The following MED13 variants were observed in gnomAD, a reference collection of about 807,000 sequenced individuals.
The protein encoded by MED13 is mediator of RNA polymerase II transcription subunit 13.
A neutral mutation model predicts 225.2 loss-of-function variants in MED13; 23 were observed. The observed-to-expected ratio is 0.10, with a 90% CI of 0.07 to 0.14. MED13 has a LOEUF of 0.14. Among genes scored for constraint, MED13 ranks in the 10% least tolerant of loss-of-function variants. The probability of loss-of-function intolerance (pLI) is 1.00; values close to 1 mark genes in which losing one functional copy is unlikely to be tolerated. For missense variants in MED13, 2,197 were observed against 2,594.5 expected, an observed-to-expected ratio of 0.85 and a Z score of 3.33; for synonymous variants, 942 against 889.2, an observed-to-expected ratio of 1.06 and a Z score of -1.06.
At chr17:62,031,771 C>T (rs2080759292) in intron 5 of MED13, 133 bp from the exon 6 acceptor site, 2 of 485,398 alleles carry the variant, frequency 4.1e-6, no homozygotes, top group African/African-American at 2.0e-5. Flanking sequence ...TAAATATAAG[C>T]TTCTTTGGCA....
rs2079832264 is a variant in MED13, at chr17:61,943,817, A to C, written c.*2651T>G. 1 of 152,492 alleles carries C rather than the reference A, an allele frequency of 6.6e-6. No homozygotes were observed. Among genetic ancestry groups the C allele is most frequent in the Non-Finnish European group, 1.5e-5 (1 of 67,978 alleles). 9.4% of individuals were successfully genotyped at this position (152,492 alleles called of 1,614,324 possible). On this transcript the variant is annotated 3_prime_UTR_variant, in exon 30 of 30. Coordinates refer to ENST00000397786, the MANE Select transcript of MED13 (RefSeq NM_005121.3). ...TTAAATGACAAAATACTGAACTTCC[A>C]CCCTGCTTAATAATCATGGATACCT... is the stretch of plus-strand genomic sequence containing the variant.
chr17:61,991,759 C>T (rs1194333979), intron 11 of MED13, among the ~76,000 whole-genome samples: 1 of 152,140 alleles, frequency 6.6e-6, no homozygotes, highest in Non-Finnish European at 1.5e-5. Context: ...CCGCCCGCCA[C>T]GGCCTCCCAA....
chr17:61,954,470 A>G (rs113569696), intron 26 of MED13, among the ~76,000 whole-genome samples: 8 of 152,270 alleles, frequency 5.3e-5, no homozygotes, highest in African/African-American at 1.7e-4. Flanking sequence ...GTGACCAACT[A>G]TTGCCTTTTA....
intron 4 of MED13, among the ~76,000 whole-genome samples, chr17:62,034,371 C>G (rs1603406066): frequency 6.6e-6 from 1 of 151,966 alleles, no homozygotes; most frequent in Non-Finnish European, 1.5e-5. Flanking sequence ...CCTGCAATCC[C>G]AGCTACTCGG....
At chr17:61,986,345 G>GT (rs1162299831) in intron 12 of MED13, among the ~76,000 whole-genome samples, 1 of 152,106 alleles carries the variant, frequency 6.6e-6, no homozygotes, top group Non-Finnish European at 1.5e-5. Flanking sequence ...ATGTACCATA[G>GT]AAGTTTCCAA....
intron 8 of MED13, among the ~76,000 whole-genome samples, chr17:62,021,279 C>G: frequency 6.6e-6 from 1 of 151,222 alleles, no homozygotes; most frequent in Admixed American, 6.6e-5. Context: ...GCAGAGGCGC[C>G]CCTCACCTCC....
intron 5 of MED13, 82 bp downstream of exon 5, chr17:62,033,705 G>T: frequency 7.6e-7 from 1 of 1,313,826 alleles, no homozygotes; most frequent in Non-Finnish European, 1.1e-6. Flanking sequence ...TGAGTTATTA[G>T]ACTTGTTTGT....
chr17:61,971,913 G>A (rs113227813), intron 17 of MED13, among the ~76,000 whole-genome samples: 11 of 152,006 alleles, frequency 7.2e-5, no homozygotes, highest in African/African-American at 1.7e-4. Flanking sequence ...CAGCCTGGGC[G>A]ACAAAGCGAG....
chr17:62,025,968 G>A (rs1439947211), intron 8 of MED13, among the ~76,000 whole-genome samples: 9 of 152,192 alleles, frequency 5.9e-5, no homozygotes, highest in Non-Finnish European at 1.3e-4. Flanking sequence ...GCACACTTGA[G>A]AGAGTCTGTT....
At chr17:61,984,103 TA>T in intron 15 of MED13, 67 bp downstream of exon 15, 1 of 1,186,730 alleles carries the variant, frequency 8.4e-7, no homozygotes, top group Non-Finnish European at 1.1e-6. Context: ...GCATACCAGG[TA>T]AATCTATGAA....
chr17:62,032,421 CAGAGATCACGCCATT>C (rs2080765558), intron 5 of MED13: 1 of 143,522 alleles, frequency 7.0e-6, no homozygotes, highest in Non-Finnish European at 1.5e-5. Flanking sequence ...TTGCAGTGAG[CAGAGATCACGCCATT>C]GCACTCCAGC....
intron 1 of MED13, 143 bp from the exon 2 acceptor site, chr17:62,063,444 A>T: frequency 1.7e-6 from 1 of 572,100 alleles, no homozygotes; most frequent in African/African-American, 1.9e-5. Context: ...GAACAAAAAA[A>T]GACTTTATAA....
intron 8 of MED13, among the ~76,000 whole-genome samples, chr17:62,015,917 T>TAC (rs2080564461): frequency 2.0e-4 from 1 of 5,030 alleles, no homozygotes; most frequent in Admixed American, 4.1e-3. Flanking sequence ...ACTATACACA[T>TAC]ATATATATAT....
intron 6 of MED13, chr17:62,030,320 G>T (rs980643984): frequency 9.5e-5 from 23 of 243,274 alleles, no homozygotes; most frequent in African/African-American, 5.1e-4. Flanking sequence ...GTGTCCCATG[G>T]ATCATGCTGT....
intron 2 of MED13, 99 bp downstream of exon 2, chr17:62,062,968 C>T: frequency 1.2e-6 from 1 of 831,736 alleles, no homozygotes; most frequent in Non-Finnish European, 1.9e-6. Flanking sequence ...CCTCCTAAGT[C>T]TCCCACAAAA....
intron 1 of MED13, among the ~76,000 whole-genome samples, chr17:62,063,687 A>G (rs2081059492): frequency 6.6e-6 from 1 of 152,218 alleles, no homozygotes; most frequent in South Asian, 2.1e-4. Context: ...AGACCCTATC[A>G]TGGGTTTTTA....
intron 8 of MED13, among the ~76,000 whole-genome samples, chr17:62,018,758 T>C (rs919256341): frequency 2.0e-5 from 3 of 152,014 alleles, no homozygotes; most frequent in Middle Eastern, 3.4e-3. Flanking sequence ...ATACGGGTTA[T>C]ATGAATACTA....
chr17:61,961,481 C>T lies in MED13; in HGVS notation c.5256+107G>A, dbSNP rs7224112. On this transcript the variant is annotated intron_variant, in intron 22 of 29. Transcript: ENST00000397786. ...GTTGTGGTGAGCTGAGATTGCCCCA[C>T]TGCACTCCAGCCTGGGTGACAAAGC... is the stretch of plus-strand genomic sequence containing the variant. 0.017 allele frequency: 17,817 copies of T among 1,022,430 alleles called. 2,159 individuals are homozygous for T. In the African/African-American group the frequency reaches 0.26, roughly 15 times the overall value. 63.3% of individuals were successfully genotyped at this position (1,022,430 alleles called of 1,614,324 possible).
rs755796658 is a variant in MED13 at position 61,982,549 on chromosome 17, T to G, written c.3454A>C (p.Asn1152His). ...TCTGCTTCTTTGCCACAGTCTGTAT[T>G]GCGTCCTATGATATCTAGTTCATCT... ...LEDELDIIGR[N>H]TDCGKEAEKR... The change falls in exon 16 of 30, where the codon AAT becomes CAT. Residue 1152 changes from asparagine (N) to histidine (H), a missense_variant. Coordinates refer to ENST00000397786, the MANE Select transcript of MED13 (RefSeq NM_005121.3). 2 of 1,614,224 alleles carry G rather than the reference T, an allele frequency of 1.2e-6. No individual in the cohort carries two copies. The highest frequency in any genetic ancestry group is 1.7e-6 in the Non-Finnish European group (2 of 1,180,036).
Sources: gnomAD v4.1 joint callset for allele counts (sites outside exome capture counted in the v4.1 genomes callset) on GRCh38, gnomAD v4.1.1 for gene constraint, MANE v1.5 for transcripts, NCBI Gene and HGNC (gene_info 2026-07-23, HGNC 2026-07-21) for gene names.